Variants in TOX observed in about 807,000 individuals in gnomAD.
The protein encoded by TOX is thymocyte selection associated high mobility group box, also known as thymocyte selection-associated high mobility group box protein TOX.
In TOX, 11 loss-of-function variants were observed where a neutral mutation model predicts 53.7. The observed-to-expected ratio is 0.20, with a 90% CI of 0.13 to 0.34. The LOEUF (loss-of-function observed/expected upper bound fraction) is 0.34. TOX is among the 10% of genes least tolerant of loss of function. TOX has a pLI of 1.00. For synonymous variants in TOX, 225 were observed against 245.3 expected, an observed-to-expected ratio of 0.92 and a Z score of 0.77; for missense variants, 570 against 664.6, an observed-to-expected ratio of 0.86 and a Z score of 1.56.
chr8:59,027,465 T>A (rs1343201533), intron 1 of TOX, among the ~76,000 whole-genome samples: 1 of 150,802 alleles, frequency 6.6e-6, no homozygotes, highest in Non-Finnish European at 1.5e-5. Flanking sequence ...TTTTTTTAAA[T>A]TTTTCAATGA....
At position 59,015,379 on chromosome 8, in the gene TOX, G is replaced by A. The variant is rs148119948; in HGVS notation, c.103-55371C>T. 3.0e-4 allele frequency among the ~76,000 whole-genome samples: 46 copies of A among 152,256 alleles called. No individual in the cohort carries two copies. The East Asian group carries it at 3.9e-3, about 13-fold the overall frequency. Reference sequence around the variant, plus strand: ...GCAGCTACAAAACTAGGTCAGGGTCGAAAAGCTAGAGCTGAATTCCCCTCC... The same window carrying A: ...GCAGCTACAAAACTAGGTCAGGGTCAAAAAGCTAGAGCTGAATTCCCCTCC... On this transcript the variant is annotated intron_variant, in intron 1 of 8. Coordinates refer to ENST00000361421, the MANE Select transcript of TOX (RefSeq NM_014729.3).
At chr8:58,998,123 T>C (rs948480944) in intron 1 of TOX, among the ~76,000 whole-genome samples, 1 of 152,076 alleles carries the variant, frequency 6.6e-6, no homozygotes, top group African/African-American at 2.4e-5. Flanking sequence ...ATTTTTCTCA[T>C]GTTAATGTCA....
intron 1 of TOX, among the ~76,000 whole-genome samples, chr8:58,965,494 C>G (rs769922625): frequency 6.6e-6 from 1 of 151,988 alleles, no homozygotes; most frequent in Non-Finnish European, 1.5e-5. Context: ...TATTAGGCTA[C>G]CAAAACCACA....
chr8:58,888,909 A>T (rs1455138814), intron 3 of TOX, among the ~76,000 whole-genome samples: 1 of 152,046 alleles, frequency 6.6e-6, no homozygotes, highest in Non-Finnish European at 1.5e-5. Context: ...GATAATTTTA[A>T]GAGACAGTTC....
intron 1 of TOX, among the ~76,000 whole-genome samples, chr8:59,104,461 C>A (rs1804861302): frequency 6.6e-6 from 1 of 152,134 alleles, no homozygotes. Flanking sequence ...GTTTTTGCAA[C>A]TTTTCACTAG....
At chr8:58,948,779 A>G (rs1349741729) in intron 2 of TOX, among the ~76,000 whole-genome samples, 1 of 152,030 alleles carries the variant, frequency 6.6e-6, no homozygotes, top group Non-Finnish European at 1.5e-5. Flanking sequence ...CCAGTTCTAT[A>G]TTTTTTGGCT....
At chr8:58,923,985 C>G (rs1364159492) in intron 3 of TOX, among the ~76,000 whole-genome samples, 1 of 152,178 alleles carries the variant, frequency 6.6e-6, no homozygotes, top group East Asian at 1.9e-4. Flanking sequence ...GTTTGGGAAT[C>G]AACTTTCATA....
chr8:58,933,777 C>T (rs1204748855), intron 3 of TOX, among the ~76,000 whole-genome samples: 1 of 152,126 alleles, frequency 6.6e-6, no homozygotes, highest in South Asian at 2.1e-4. Context: ...GGGGGCAGAA[C>T]ATTTGTTCAA....
Position 58,852,621 on chromosome 8 carries a change from G to A in TOX, c.412-816C>T, listed in dbSNP as rs568707172. On this transcript the variant is annotated intron_variant, in intron 3 of 8. Coordinates refer to ENST00000361421, the MANE Select transcript of TOX (RefSeq NM_014729.3). ...TCTAGAGGTCAAATGTATTGTATAAGAGGAGTATGGAGAATTTCACTTAAC... is the reference window on the plus strand; with the variant it reads ...TCTAGAGGTCAAATGTATTGTATAAAAGGAGTATGGAGAATTTCACTTAAC... 2.0e-5 allele frequency among the ~76,000 whole-genome samples: 3 copies of A among 152,294 alleles called. No homozygotes were observed. In the South Asian group the frequency reaches 6.2e-4, roughly 32 times the overall value.
At chr8:58,831,652 T>C (rs1810455825) in intron 5 of TOX, among the ~76,000 whole-genome samples, 1 of 152,208 alleles carries the variant, frequency 6.6e-6, no homozygotes, top group Non-Finnish European at 1.5e-5. Flanking sequence ...AGAACTCCTT[T>C]TGATTCTTCT....
At chr8:58,896,260 G>A (rs1486848064) in intron 3 of TOX, among the ~76,000 whole-genome samples, 4 of 152,114 alleles carry the variant, frequency 2.6e-5, no homozygotes, top group Admixed American at 1.3e-4. Context: ...TACGGCAAGA[G>A]GGGAAAACAC....
chr8:58,814,399 A>C (rs1162714997), intron 7 of TOX: 1 of 152,118 alleles, frequency 6.6e-6, no homozygotes, highest in Admixed American at 6.5e-5. Flanking sequence ...TTTTTTTAAA[A>C]AATTATATTC....
At chr8:58,865,784 G>T (rs1811086749) in intron 3 of TOX, among the ~76,000 whole-genome samples, 2 of 143,100 alleles carry the variant, frequency 1.4e-5, no homozygotes. Flanking sequence ...TATTCATTTT[G>T]TCATTTCACT....
intron 3 of TOX, among the ~76,000 whole-genome samples, chr8:58,918,735 T>C (rs1265926962): frequency 2.9e-5 from 2 of 69,042 alleles, no homozygotes; most frequent in African/African-American, 1.2e-4. Context: ...AAATAAAGGG[T>C]ATTCAATTAG....
At chr8:58,972,184 C>T (rs948322068) in intron 1 of TOX, among the ~76,000 whole-genome samples, 3 of 152,106 alleles carry the variant, frequency 2.0e-5, no homozygotes, top group Non-Finnish European at 4.4e-5. Context: ...AATATGTACA[C>T]ATTTATTTAC....
chr8:58,999,652 G>T (rs1158008640), intron 1 of TOX, among the ~76,000 whole-genome samples: 1 of 152,286 alleles, frequency 6.6e-6, no homozygotes, highest in East Asian at 1.9e-4. Context: ...TTCATGAGTT[G>T]CTATAGCAGA....
intron 3 of TOX, among the ~76,000 whole-genome samples, chr8:58,902,003 T>C (rs561983108): frequency 6.6e-6 from 1 of 152,308 alleles, no homozygotes; most frequent in South Asian, 2.1e-4. Context: ...TAGTATTATT[T>C]ATTGTATAGC....
chr8:59,093,859 G>GTTATT (rs1804666868), intron 1 of TOX, among the ~76,000 whole-genome samples: 2 of 152,034 alleles, frequency 1.3e-5, no homozygotes, highest in Non-Finnish European at 2.9e-5. Flanking sequence ...CTGGCATGTT[G>GTTATT]GTAAATGACA....
rs1346524359 is a variant in TOX, at chr8:58,960,023, A to G, written c.103-15T>C. The stretch of plus-strand genomic sequence containing the variant: ...TCACCGTCAAACTGCGAATGAAATA[A>G]TAGTAAACATTCAGCAATCTTGACT... On this transcript the variant is annotated splice_polypyrimidine_tract_variant and intron_variant, in intron 1 of 8. Transcript: ENST00000361421. 6.2e-7 allele frequency: 1 copy of G among 1,613,982 alleles called. No individual in the cohort carries two copies. Among genetic ancestry groups the G allele is most frequent in the Admixed American group, 1.7e-5 (1 of 60,020 alleles).
Sources: gnomAD v4.1 joint callset for allele counts (sites outside exome capture counted in the v4.1 genomes callset) on GRCh38, gnomAD v4.1.1 for gene constraint, MANE v1.5 for transcripts, NCBI Gene and HGNC (gene_info 2026-07-23, HGNC 2026-07-21) for gene names.